FBXL13: variants seen among roughly 807,000 people sequenced by gnomAD.
FBXL13 encodes the protein F-box and leucine-rich repeat protein 13.
In FBXL13, 67 loss-of-function variants were observed where a neutral mutation model predicts 83.6. The observed-to-expected ratio is 0.80, with a 90% CI of 0.66 to 0.98. FBXL13 has a LOEUF of 0.98. FBXL13 is among the 50% of genes least tolerant of loss of function. The pLI, the probability that FBXL13 is intolerant of heterozygous loss-of-function variation, is 0.00. For missense variants in FBXL13, 822 were observed against 866.5 expected, an observed-to-expected ratio of 0.95 and a Z score of 0.64; for synonymous variants, 272 against 299.5, an observed-to-expected ratio of 0.91 and a Z score of 0.95.
chr7:102,905,467 T>C (rs890476903), intron 11 of FBXL13, among the ~76,000 whole-genome samples: 2 of 152,240 alleles, frequency 1.3e-5, no homozygotes, highest in African/African-American at 4.8e-5. Context: ...ATGGAATATC[T>C]TTCTCCATTC....
intron 6 of FBXL13, among the ~76,000 whole-genome samples, chr7:103,011,432 C>T (rs1357664093): frequency 6.6e-6 from 1 of 151,778 alleles, no homozygotes; most frequent in Non-Finnish European, 1.5e-5. Flanking sequence ...GTCAAGAGTT[C>T]GAGACCAGCC....
intron 18 of FBXL13, among the ~76,000 whole-genome samples, chr7:102,832,610 C>A (rs953269022): frequency 1.3e-5 from 2 of 152,172 alleles, no homozygotes; most frequent in African/African-American, 4.8e-5. Flanking sequence ...AAATCTTTGA[C>A]ACATGTTTAT....
intron 17 of FBXL13, among the ~76,000 whole-genome samples, chr7:102,841,982 C>T (rs1313074054): frequency 1.3e-5 from 2 of 152,202 alleles, no homozygotes; most frequent in East Asian, 3.8e-4. Context: ...TCCTTAGTTT[C>T]CTCTCCCAAT....
chr7:102,937,266 G>A (rs1820500516), intron 8 of FBXL13, among the ~76,000 whole-genome samples: 1 of 151,646 alleles, frequency 6.6e-6, no homozygotes, highest in Admixed American at 6.6e-5. Flanking sequence ...TTGGGAGGCC[G>A]AGGCAGGTGG....
At chr7:102,979,471 T>C (rs1481511300) in intron 6 of FBXL13, among the ~76,000 whole-genome samples, 1 of 152,216 alleles carries the variant, frequency 6.6e-6, no homozygotes, top group Admixed American at 6.5e-5. Context: ...GAAGACTCTT[T>C]TGTCACGTAA....
At chr7:103,027,669 C>G in intron 4 of FBXL13, 111 bp from the exon 6 acceptor site, 1 of 637,528 alleles carries the variant, frequency 1.6e-6, no homozygotes. Context: ...CGCATCTGAT[C>G]GTTTTTGTTT....
chr7:102,926,276 C>T (rs375551789), exon 10 of FBXL13: 43 of 1,612,348 alleles, frequency 2.7e-5, no homozygotes, highest in Middle Eastern at 1.6e-4. Context: ...AACATTACCT[C>T]GGCAGGAGTC....
At chr7:102,822,013 G>A (rs751772270) in intron 19 of FBXL13, 27 bp downstream of exon 20, 1 of 1,611,438 alleles carries the variant, frequency 6.2e-7, no homozygotes, top group East Asian at 2.2e-5. Context: ...GTTCTCAAAA[G>A]TTTGTCATAG....
intron 16 of FBXL13, among the ~76,000 whole-genome samples, chr7:102,873,671 G>A (rs988284822): frequency 6.6e-6 from 1 of 152,210 alleles, no homozygotes; most frequent in African/African-American, 2.4e-5. Flanking sequence ...AAAGAGCAGA[G>A]TTCAAATTCC....
At chr7:102,923,825 AAAATAAAT>A in intron 10 of FBXL13, among the ~76,000 whole-genome samples, 1 of 152,198 alleles carries the variant, frequency 6.6e-6, no homozygotes, top group South Asian at 2.1e-4. Context: ...ATGCCATCTC[AAAATAAAT>A]AAATAAATAA....
At chr7:102,940,494 G>A (rs1453126197) in intron 8 of FBXL13, among the ~76,000 whole-genome samples, 2 of 152,268 alleles carry the variant, frequency 1.3e-5, no homozygotes, top group Non-Finnish European at 2.9e-5. Context: ...ACAGGCGTGA[G>A]CCACCATGCC....
intron 6 of FBXL13, among the ~76,000 whole-genome samples, chr7:102,997,275 A>C (rs564171632): frequency 3.3e-5 from 5 of 152,300 alleles, no homozygotes; most frequent in Middle Eastern, 3.4e-3. Flanking sequence ...AACACCATGA[A>C]GTAATTTCTC....
At chr7:103,027,044 A>T (rs920028342) in intron 5 of FBXL13, among the ~76,000 whole-genome samples, 2 of 152,196 alleles carry the variant, frequency 1.3e-5, no homozygotes, top group African/African-American at 4.8e-5. Flanking sequence ...CTGTAATCCC[A>T]GCACTTTAGG....
chr7:102,849,481 C>T (rs950712824), intron 17 of FBXL13, among the ~76,000 whole-genome samples: 5 of 152,060 alleles, frequency 3.3e-5, no homozygotes, highest in South Asian at 2.1e-4. Flanking sequence ...TCTCATTAAG[C>T]GAATTATGTA....
intron 11 of FBXL13, among the ~76,000 whole-genome samples, chr7:102,896,714 G>C (rs1023641408): frequency 1.3e-5 from 2 of 152,148 alleles, no homozygotes; most frequent in African/African-American, 4.8e-5. Flanking sequence ...GCTTGTGTCT[G>C]TGTCCAAATT....
intron 18 of FBXL13, among the ~76,000 whole-genome samples, chr7:102,832,311 A>G (rs937010808): frequency 5.3e-5 from 8 of 152,236 alleles, no homozygotes; most frequent in African/African-American, 1.7e-4. Context: ...GGAGAATTCT[A>G]TAGGAAATCA....
intron 1 of FBXL13, among the ~76,000 whole-genome samples, chr7:103,064,875 A>G (rs1585633766): frequency 1.3e-5 from 2 of 152,204 alleles, no homozygotes; most frequent in Non-Finnish European, 2.9e-5. Flanking sequence ...ATGAAGAGGA[A>G]CCAAGCCTAC....
chr7:103,064,294 G>T (rs1798189439), intron 1 of FBXL13, among the ~76,000 whole-genome samples: 2 of 152,242 alleles, frequency 1.3e-5, no homozygotes, highest in South Asian at 4.1e-4. Flanking sequence ...TTGCAAGCCA[G>T]TTGGGGTCCA....
chr7:102,968,500 A>C (rs1826235715), intron 6 of FBXL13, among the ~76,000 whole-genome samples: 1 of 152,214 alleles, frequency 6.6e-6, no homozygotes, highest in African/African-American at 2.4e-5. Context: ...CTGTCTGCTG[A>C]ACTAAACTAC....
Sources: allele counts gnomAD v4.1 joint callset (sites outside exome capture counted in the v4.1 genomes callset), GRCh38; gene constraint gnomAD v4.1.1; transcripts MANE v1.5; gene names NCBI Gene and HGNC (gene_info 2026-07-23, HGNC 2026-07-21).